ARHGAP35: variants seen among roughly 807,000 people sequenced by gnomAD.
ARHGAP35 encodes the protein Rho GTPase activating protein 35, also known as rho GTPase-activating protein 35.
In ARHGAP35, 15 loss-of-function variants were observed where a neutral mutation model predicts 111.1. The observed-to-expected ratio is 0.13, with a 90% CI of 0.09 to 0.21. The LOEUF (loss-of-function observed/expected upper bound fraction) is 0.21, where lower values mean the gene tolerates loss of function less well. Ranked by LOEUF, ARHGAP35 falls within the 10% of genes least tolerant of loss-of-function variation. The pLI is 1.00. For missense variants in ARHGAP35, 1,262 were observed against 1,873.0 expected (o/e 0.67, Z 6.02); for synonymous variants, 643 against 710.3 (o/e 0.91, Z 1.51).
chr19:46,917,957 G>T (rs187896536), intron 1 of ARHGAP35, among the ~76,000 whole-genome samples: 1 of 152,116 alleles, frequency 6.6e-6, no homozygotes, highest in Non-Finnish European at 1.5e-5. Flanking sequence ...CAGGTGATCC[G>T]CCCACCATGG....
At chr19:46,911,865 C>T (rs1343077584) in intron 1 of ARHGAP35, among the ~76,000 whole-genome samples, 3 of 152,084 alleles carry the variant, frequency 2.0e-5, no homozygotes, top group Non-Finnish European at 4.4e-5. Context: ...GAATAAGGAC[C>T]TTGAACTCTA....
intron 1 of ARHGAP35, among the ~76,000 whole-genome samples, chr19:46,862,304 G>A (rs973985389): frequency 6.6e-6 from 1 of 152,020 alleles, no homozygotes; most frequent in Non-Finnish European, 1.5e-5. Flanking sequence ...GTGTTCTCTT[G>A]GAGGTTTCCT....
chr19:46,950,333 C>T (rs906558700), intron 3 of ARHGAP35, among the ~76,000 whole-genome samples: 3 of 152,182 alleles, frequency 2.0e-5, no homozygotes, highest in Non-Finnish European at 4.4e-5. Context: ...TCTTCCTGGA[C>T]ATTTGGGTAC....
intron 5 of ARHGAP35, among the ~76,000 whole-genome samples, chr19:46,997,232 T>A (rs1218359550): frequency 6.6e-6 from 1 of 152,186 alleles, no homozygotes; most frequent in Non-Finnish European, 1.5e-5. Flanking sequence ...ATGAAGCTGC[T>A]CATAGCCCAA....
In ARHGAP35 at chr19:46,919,499, A is replaced by T. The variant is rs1220047925; in HGVS notation, c.824A>T (p.Asp275Val). Residue 275 changes from aspartate to valine, a missense_variant, in exon 2 of 7, where the codon GAC (aspartate) becomes GTC (valine). Physicochemically the swap from Asp to Val is radical, Grantham distance 152. Coordinates refer to ENST00000672722, the MANE Select transcript of ARHGAP35 (RefSeq NM_004491.5). This position sits in a 1 kb window ranked among gnomAD's most constrained non-coding sequence, Gnocchi z 6.2. The stretch of plus-strand genomic sequence containing the variant: ...AGTCAGCAGATAGCTACAGCAAAAG[A>T]CAAGTATGAGTGGCTGGTGAGTCGC... ...QQSQQIATAKDKYEWLVSRIV... is the reference protein window; with the variant it reads ...QQSQQIATAKVKYEWLVSRIV... 6.2e-7 allele frequency: 1 copy of T among 1,614,000 alleles called. No individual in the cohort carries two copies. Among genetic ancestry groups the T allele is most frequent in the Non-Finnish European group, 8.5e-7 (1 of 1,179,890 alleles).
At chr19:46,983,744 GCTGGGACTACAGGCACCCGCCACCATGC>G (rs1332003074) in intron 3 of ARHGAP35, among the ~76,000 whole-genome samples, 2 of 150,948 alleles carry the variant, frequency 1.3e-5, no homozygotes, top group Non-Finnish European at 2.9e-5. Flanking sequence ...CTCCCGAGTA[GCTGGGACTACAGGCACCCGCCACCATGC>G]CTGGCTAATT....
intron 1 of ARHGAP35, among the ~76,000 whole-genome samples, chr19:46,867,924 T>G (rs1001298600): frequency 1.3e-5 from 2 of 152,224 alleles, no homozygotes; most frequent in Admixed American, 1.3e-4. Context: ...TGGAGTGCAG[T>G]GGCGAGATCT....
intron 2 of ARHGAP35, among the ~76,000 whole-genome samples, chr19:46,932,141 G>A (rs2056276430): frequency 6.6e-6 from 1 of 152,174 alleles, no homozygotes; most frequent in South Asian, 2.1e-4. Flanking sequence ...AACTTGCTGG[G>A]CATGGTGGCT....
intron 3 of ARHGAP35, among the ~76,000 whole-genome samples, chr19:46,952,249 GA>G (rs1207921108): frequency 2.6e-5 from 4 of 152,040 alleles, no homozygotes; most frequent in Non-Finnish European, 2.9e-5. Flanking sequence ...TTAAAACTAT[GA>G]ATACTCAAAG....
At chr19:46,876,617 T>A (rs1176940169) in intron 1 of ARHGAP35, among the ~76,000 whole-genome samples, 1 of 151,948 alleles carries the variant, frequency 6.6e-6, no homozygotes, top group Non-Finnish European at 1.5e-5. Context: ...ATGATTCACC[T>A]GCCTCGGCCT....
chr19:46,932,213 C>T (rs2056276796), intron 2 of ARHGAP35, among the ~76,000 whole-genome samples: 2 of 152,086 alleles, frequency 1.3e-5, no homozygotes, highest in South Asian at 4.1e-4. Flanking sequence ...ACTGAGGAGG[C>T]GGAGGTTGTA....
Position 46,861,127 on chromosome 19 carries a change from G to A in ARHGAP35, c.-271G>A, listed in dbSNP as rs2055823784. Among the ~76,000 whole-genome samples, 1 of 151,436 alleles carries A rather than the reference G, an allele frequency of 6.6e-6. No homozygotes were observed. Among genetic ancestry groups the A allele is most frequent in the Admixed American group, 6.6e-5 (1 of 15,234 alleles). Reference sequence around the variant, plus strand: ...CGCCGCCTCAGCCGCCGCTGGACTAGGAGCAGGGGAACATGGCGCCGGGGC... The same window carrying A: ...CGCCGCCTCAGCCGCCGCTGGACTAAGAGCAGGGGAACATGGCGCCGGGGC... On this transcript the variant is annotated 5_prime_UTR_variant, in exon 1 of 7. Transcript: ENST00000672722.
chr19:46,884,493 C>CTTTTTTTTTTT (rs923415995), intron 1 of ARHGAP35, among the ~76,000 whole-genome samples: 1 of 111,974 alleles, frequency 8.9e-6, no homozygotes, highest in African/African-American at 3.4e-5. Context: ...TGATGATATC[C>CTTTTTTTTTTT]TTTTTTTTTT....
At chr19:46,890,585 A>G (rs1465060343) in intron 1 of ARHGAP35, among the ~76,000 whole-genome samples, 1 of 152,234 alleles carries the variant, frequency 6.6e-6, no homozygotes, top group Non-Finnish European at 1.5e-5. Context: ...ACAGGAACAC[A>G]GGAGAGGTTA....
At chr19:46,983,606 CTT>C (rs11383795) in intron 3 of ARHGAP35, among the ~76,000 whole-genome samples, 1 of 69,266 alleles carries the variant, frequency 1.4e-5, no homozygotes, top group Non-Finnish European at 2.6e-5. Flanking sequence ...AATGTCCATT[CTT>C]TTTTTTTTTT....
rs2056084535 is a variant in ARHGAP35, at chr19:46,901,751, T to C, written c.-188-16737T>C. Among the ~76,000 whole-genome samples, 2 of 152,196 alleles carry C rather than the reference T, an allele frequency of 1.3e-5. No individual in the cohort carries two copies. Among genetic ancestry groups the C allele is most frequent in the Admixed American group, 1.3e-4 (2 of 15,288 alleles). ...AAGGGTAGGCATTGATTGTTATCATTCTGATTATACTTGCATGCACTTAGG... is the reference window on the plus strand; with the variant it reads ...AAGGGTAGGCATTGATTGTTATCATCCTGATTATACTTGCATGCACTTAGG... On this transcript the variant is annotated intron_variant, in intron 1 of 6. Coordinates refer to ENST00000672722, the MANE Select transcript of ARHGAP35 (RefSeq NM_004491.5). The surrounding 1 kb of genome is among the most constrained non-coding windows in gnomAD (Gnocchi z 4.5).
In ARHGAP35 at chr19:46,989,605, G is replaced by A; in HGVS notation, c.3966G>A (p.Lys1322=). Residue 1322 remains lysine, a synonymous_variant, in exon 5 of 7, where the codon AAG becomes AAA. Transcript: ENST00000672722. This position sits in a 1 kb window ranked among gnomAD's most constrained non-coding sequence, Gnocchi z 5.3. ...FTVNTVAGAM[K]SFFSELPDPL... Reference sequence around the variant, plus strand: ...TGAATACCGTGGCTGGTGCCATGAAGAGCTTTTTCTCAGAACTGCCTGACC... The same window carrying A: ...TGAATACCGTGGCTGGTGCCATGAAAAGCTTTTTCTCAGAACTGCCTGACC... 6.2e-7 allele frequency: 1 copy of A among 1,614,006 alleles called. No individual in the cohort carries two copies. The highest frequency in any genetic ancestry group is 1.1e-5 in the South Asian group (1 of 91,082).
At chr19:46,987,007 T>C (rs1029393252) in intron 3 of ARHGAP35, among the ~76,000 whole-genome samples, 60 of 152,068 alleles carry the variant, frequency 3.9e-4, no homozygotes, top group African/African-American at 1.4e-3. Flanking sequence ...TTTGTACTTT[T>C]AGTAGAGATG....
chr19:46,889,441 G>C (rs1044869339), intron 1 of ARHGAP35, among the ~76,000 whole-genome samples: 1 of 149,992 alleles, frequency 6.7e-6, no homozygotes, highest in Non-Finnish European at 1.5e-5. Flanking sequence ...CCTGGGTGAC[G>C]AGTGAAACTC....
Sources: gnomAD v4.1 joint callset for allele counts (sites outside exome capture counted in the v4.1 genomes callset) on GRCh38, gnomAD v4.1.1 for gene constraint, Gnocchi (gnomAD v3.1) non-coding constraint, MANE v1.5 for transcripts, NCBI Gene and HGNC (gene_info 2026-07-23, HGNC 2026-07-21) for gene names.